Variants in CD8A observed in about 807,000 individuals in gnomAD.
The protein encoded by CD8A is T-cell surface glycoprotein CD8 alpha chain.
Under a neutral mutation model 24.2 loss-of-function variants are expected in CD8A, and 25 were observed. The ratio of observed to expected loss-of-function variants is 1.03; its 90% CI spans 0.75 to 1.44. CD8A has a LOEUF of 1.44. CD8A is among the 40% of genes most tolerant of loss of function. CD8A has a pLI of 0.00. For synonymous variants in CD8A, 165 were observed against 149.9 expected, an observed-to-expected ratio of 1.10 and a Z score of -0.74; for missense variants, 360 against 319.7, an observed-to-expected ratio of 1.13 and a Z score of -0.96.
Position 86,785,444 on chromosome 2 carries a change from C to T in CD8A, c.*476G>A, listed in dbSNP as rs1672957076. ...GCACCTCACCCTGAGACAGGGGCCTCGGAAAGAAAGACCTGAATGGTGTGG... is the reference window on the plus strand; with the variant it reads ...GCACCTCACCCTGAGACAGGGGCCTTGGAAAGAAAGACCTGAATGGTGTGG... On this transcript the variant is annotated 3_prime_UTR_variant, in exon 6 of 6. Transcript: ENST00000283635. 1 of 455,282 alleles carries T rather than the reference C, an allele frequency of 2.2e-6. No homozygotes were observed. Among genetic ancestry groups the T allele is most frequent in the Non-Finnish European group, 4.4e-6 (1 of 227,794 alleles). 28.2% of individuals were successfully genotyped at this position (455,282 alleles called of 1,614,324 possible).
chr2:86,790,189 T>A, intron 2 of CD8A, 139 bp downstream of exon 2: 1 of 717,940 alleles, frequency 1.4e-6, no homozygotes, highest in Non-Finnish European at 2.5e-6. Context: ...CTCAGTTTGC[T>A]GTGTCTGTGA....
chr2:86,788,234 G>A (rs1673103665), intron 5 of CD8A, among the ~76,000 whole-genome samples: 1 of 139,206 alleles, frequency 7.2e-6, no homozygotes, highest in Non-Finnish European at 1.5e-5. Context: ...TAAATTGGGG[G>A]AATCCCTCAG....
chr2:86,790,996 T>A (rs1232933873), upstream of CD8A: 2 of 764,942 alleles, frequency 2.6e-6, no homozygotes, highest in African/African-American at 1.7e-5. Context: ...AGAGTCACCC[T>A]CCTTTTCGCG....
rs970275394 is a variant in CD8A at position 86,790,490 on chromosome 2, C to T, written c.241G>A (p.Ala81Thr). The T allele has an allele frequency of 1.2e-6, 2 of 1,614,162 alleles. No individual in the cohort carries two copies. Among genetic ancestry groups the T allele is most frequent in the Non-Finnish European group, 1.7e-6 (2 of 1,180,034 alleles). ...AACCGCTGGGTGTCCAGCCCCTCGG[C>T]CGCCTTGGGCTTGTTTTGGGAGAGG... ...LYLSQNKPKA[A>T]EGLDTQRFSG... is the part of the protein sequence containing the mutation. The change falls in exon 2 of 6, where the codon GCC (alanine) becomes ACC (threonine). Residue 81 changes from alanine (A) to threonine (T), a missense_variant. Transcript: ENST00000283635.
At position 86,789,435 on chromosome 2, in the gene CD8A, TGAC is replaced by T. The variant is rs1018026337; in HGVS notation, c.515-5_515-3del. The stretch of plus-strand genomic sequence containing the variant: ...CGAAGTCCAGCCCCCTCGTGTGCAC[TGAC>T]GACACCAAAGACGCCGACATTTAGG... On this transcript the variant is annotated splice_region_variant and splice_polypyrimidine_tract_variant and intron_variant, in intron 3 of 5. Coordinates refer to ENST00000283635, the MANE Select transcript of CD8A (RefSeq NM_001768.7). 1.2e-6 allele frequency: 2 copies of T among 1,608,426 alleles called. No homozygotes were observed. The highest frequency in any genetic ancestry group is 2.7e-5 in the African/African-American group (2 of 74,850).
rs1673216701 is a variant in CD8A at position 86,790,209 on chromosome 2, A to T, written c.403+119T>A. ...TTTGCTGTGTCTGTGAAATGGGAAC[A>T]GTATCTAAGTCGCTTCCAGGTGCGC... On this transcript the variant is annotated intron_variant, in intron 2 of 5. Transcript: ENST00000283635. The T allele has an allele frequency of 9.1e-6, 7 of 770,696 alleles. No homozygotes were observed. In the South Asian group the frequency reaches 1.0e-4, roughly 11 times the overall value. The allele number at this position is 770,696 out of a possible 1,614,324, so 47.7% of individuals were successfully genotyped here.
Position 86,798,300 on chromosome 2 carries a change from C to T in CD8A, c.-271+3211G>A, listed in dbSNP as rs1002442816. Among the ~76,000 whole-genome samples, 18 of 151,918 alleles carry T rather than the reference C, an allele frequency of 1.2e-4. No homozygotes were observed. In the East Asian group the frequency reaches 1.4e-3, roughly 11 times the overall value. On this transcript the variant is annotated intron_variant, in intron 3 of 8. Coordinates refer to the CD8A transcript ENST00000409511. ...AAGCTATTCTCCTGCCTCAGCCTCC[C>T]GAGTAGCTGGGATTACAGGCATGCA...
intron 3 of CD8A, among the ~76,000 whole-genome samples, chr2:86,800,454 A>G (rs1207641405): frequency 6.6e-6 from 1 of 152,052 alleles, no homozygotes; most frequent in East Asian, 1.9e-4. Context: ...AGAAAAAAAA[A>G]AAAAGAAAGA....
chr2:86,800,324 T>C (rs1673627880), intron 3 of CD8A, among the ~76,000 whole-genome samples: 1 of 151,238 alleles, frequency 6.6e-6, no homozygotes, highest in Non-Finnish European at 1.5e-5. Flanking sequence ...TAGTCGGGCA[T>C]GGTGGCAAGC....
chr2:86,803,470 G>A (rs558826673), intron 2 of CD8A, among the ~76,000 whole-genome samples: 3 of 152,292 alleles, frequency 2.0e-5, no homozygotes, highest in South Asian at 2.1e-4. Context: ...TAACCTAGAC[G>A]GGCCTGGAGG....
chr2:86,800,792 C>T (rs751415324), intron 3 of CD8A, among the ~76,000 whole-genome samples: 6 of 152,044 alleles, frequency 3.9e-5, no homozygotes, highest in Non-Finnish European at 8.8e-5. Flanking sequence ...GAATTGTGTC[C>T]CCCCAAGTAT....
chr2:86,787,898 A>AGAGAGAGTGT lies in CD8A; in HGVS notation c.656+631_656+632insACACTCTCTC, dbSNP rs369993109. On this transcript the variant is annotated intron_variant, in intron 5 of 5. Transcript: ENST00000283635. Reference sequence around the variant, plus strand: ...TTAACAGAGAGGGAGAGAGAGAGAGAGTGTGTGTGTGTGTGTGTGTGTGTG... The same window carrying AGAGAGAGTGT: ...TTAACAGAGAGGGAGAGAGAGAGAGAGAGAGAGTGTGTGTGTGTGTGTGTGTGTGTGTGTG... Among the ~76,000 whole-genome samples the AGAGAGAGTGT allele has an allele frequency of 1.9e-4, 28 of 144,596 alleles. No homozygotes were observed. The South Asian group carries it at 4.7e-3, about 24-fold the overall frequency. The allele number at this position is 144,596 out of a possible 152,430, so 94.9% of individuals were successfully genotyped here. A position where few individuals can be genotyped will look rare whatever the true frequency, so the allele number is the denominator to read the frequency against.
intron 2 of CD8A, among the ~76,000 whole-genome samples, chr2:86,805,666 C>T (rs1392713374): frequency 6.6e-6 from 1 of 152,136 alleles, no homozygotes; most frequent in East Asian, 1.9e-4. Context: ...TCAGTAACTT[C>T]CATATACCAA....
chr2:86,787,896 A>T (rs555314221), intron 5 of CD8A, among the ~76,000 whole-genome samples: 2 of 123,916 alleles, frequency 1.6e-5, no homozygotes, highest in South Asian at 4.6e-4. Flanking sequence ...AGAGAGAGAG[A>T]GAGTGTGTGT....
chr2:86,805,747 C>T (rs1347208975), intron 2 of CD8A, among the ~76,000 whole-genome samples: 1 of 152,134 alleles, frequency 6.6e-6, no homozygotes, highest in Non-Finnish European at 1.5e-5. Flanking sequence ...AACCTGATTT[C>T]CTTCCAACCA....
intron 2 of CD8A, among the ~76,000 whole-genome samples, chr2:86,803,022 T>C (rs1391532133): frequency 6.6e-6 from 1 of 152,216 alleles, no homozygotes; most frequent in Admixed American, 6.5e-5. Flanking sequence ...TGATATATTA[T>C]TTATGTGCTA....
rs1183741011 is a variant in CD8A, at chr2:86,785,740, A to G, written c.*180T>C. 2 of 756,966 alleles carry G rather than the reference A, an allele frequency of 2.6e-6. No individual in the cohort carries two copies. Among genetic ancestry groups the G allele is most frequent in the South Asian group, 1.4e-5 (1 of 72,198 alleles). The allele number at this position is 756,966 out of a possible 1,614,324, so 46.9% of individuals were successfully genotyped here. ...TTGTGGTGTACTGTAGATTTTACCT[A>G]GTTTTGTTTCCCGTCAAACACATAA... On this transcript the variant is annotated 3_prime_UTR_variant, in exon 6 of 6. Transcript: ENST00000283635.
At chr2:86,790,928 G>A (rs939495922), upstream of CD8A, 9 of 1,118,010 alleles carry the variant, frequency 8.1e-6, no homozygotes, top group Non-Finnish European at 1.2e-5. Flanking sequence ...CCTTCGGCCG[G>A]CCCGGAGCCT....
At chr2:86,786,993 C>T (rs1306815859) in intron 5 of CD8A, among the ~76,000 whole-genome samples, 1 of 101,916 alleles carries the variant, frequency 9.8e-6, no homozygotes, top group African/African-American at 3.8e-5. Context: ...GCACTCAAGC[C>T]TGGGCGACAT....
Sources: gnomAD v4.1 joint callset for allele counts (sites outside exome capture counted in the v4.1 genomes callset) on GRCh38, gnomAD v4.1.1 for gene constraint, MANE v1.5 for transcripts, NCBI Gene and HGNC (gene_info 2026-07-23, HGNC 2026-07-21) for gene names.